Variants in ECE1 observed in about 807,000 individuals in gnomAD.
ECE1 encodes the protein endothelin converting enzyme 1.
Under a neutral mutation model 98.6 loss-of-function variants are expected in ECE1, and 35 were observed. The ratio of observed to expected loss-of-function variants is 0.35; its 90% CI spans 0.27 to 0.47. The LOEUF is 0.47. Ranked by LOEUF, ECE1 falls within the 20% of genes least tolerant of loss-of-function variation. ECE1 has a pLI of 1.00. For missense variants in ECE1, 814 were observed against 1,025.3 expected (o/e 0.79, Z 2.81); for synonymous variants, 394 against 407.1 (o/e 0.97, Z 0.39).
rs2098166230 is a variant in ECE1, at chr1:21,220,679, C to T, written c.2137-548G>A. On this transcript the variant is annotated intron_variant, in intron 18 of 18. Coordinates refer to ENST00000374893, the MANE Select transcript of ECE1 (RefSeq NM_001397.3). This position sits in a 1 kb window ranked among gnomAD's most constrained non-coding sequence, Gnocchi z 5.0. Reference sequence around the variant, plus strand: ...GGGCGTGGTGGTGCGTGCCTATATCCCAGCTACATGAGAGGATGAGGCAGG... The same window carrying T: ...GGGCGTGGTGGTGCGTGCCTATATCTCAGCTACATGAGAGGATGAGGCAGG... Among the ~76,000 whole-genome samples, 1 of 152,022 alleles carries T rather than the reference C, an allele frequency of 6.6e-6. No homozygotes were observed. Among genetic ancestry groups the T allele is most frequent in the Admixed American group, 6.6e-5 (1 of 15,232 alleles).
At position 21,345,404 on chromosome 1, in the gene ECE1, G is replaced by A. The variant is rs1569804855; in HGVS notation, c.-26C>T. 7.5e-7 allele frequency: 1 copy of A among 1,331,444 alleles called. No homozygotes were observed. The highest frequency in any genetic ancestry group is 9.7e-7 in the Non-Finnish European group (1 of 1,030,352). 82.5% of individuals were successfully genotyped at this position (1,331,444 alleles called of 1,614,324 possible). On this transcript the variant is annotated 5_prime_UTR_variant, in exon 1 of 19. Coordinates refer to the ECE1 transcript ENST00000415912. The surrounding 1 kb of genome is among the most constrained non-coding windows in gnomAD (Gnocchi z 5.1). Reference sequence around the variant, plus strand: ...AGCTCGCGTGCTCCGCCCCGGCTTCGCGCAGCTCCCCGCGCCCGGCTCCCG... The same window carrying A: ...AGCTCGCGTGCTCCGCCCCGGCTTCACGCAGCTCCCCGCGCCCGGCTCCCG...
chr1:21,281,192 A>AAAACC (rs1232111890), intron 2 of ECE1, among the ~76,000 whole-genome samples: 30 of 126,796 alleles, frequency 2.4e-4, no homozygotes, highest in African/African-American at 9.2e-4. Flanking sequence ...TCCGTCTCGG[A>AAAACC]AAACAAAACA....
At chr1:21,305,700 G>A (rs959011397) in intron 1 of ECE1, among the ~76,000 whole-genome samples, 3 of 152,168 alleles carry the variant, frequency 2.0e-5, no homozygotes, top group East Asian at 3.8e-4. Flanking sequence ...GGGCGGGTAC[G>A]GGTGGTAAAG....
chr1:21,252,668 G>A (rs1344646731), intron 8 of ECE1, among the ~76,000 whole-genome samples: 1 of 152,214 alleles, frequency 6.6e-6, no homozygotes, highest in Non-Finnish European at 1.5e-5. Context: ...TAGCCTGGAA[G>A]CATTCTGTAC....
At chr1:21,236,655 A>T in intron 12 of ECE1, 91 bp downstream of exon 12, 1 of 1,301,346 alleles carries the variant, frequency 7.7e-7, no homozygotes. Context: ...GCCTCAAAAA[A>T]CAAACAAAAA....
rs2103420393 is a variant in ECE1 at position 21,340,342 on chromosome 1, G to A, written c.3+5034C>T. Among the ~76,000 whole-genome samples the A allele has an allele frequency of 6.6e-6, 1 of 152,404 alleles. No individual in the cohort carries two copies. Among genetic ancestry groups the A allele is most frequent in the Admixed American group, 6.5e-5 (1 of 15,312 alleles). Reference sequence around the variant, plus strand: ...CAGCCTCCTTCTGTCTTCACTGACTGCTCTGGGCAGCATGCCAGGGGCGTG... The same window carrying A: ...CAGCCTCCTTCTGTCTTCACTGACTACTCTGGGCAGCATGCCAGGGGCGTG... On this transcript the variant is annotated intron_variant, in intron 1 of 18. Transcript: ENST00000415912. This position sits in a 1 kb window ranked among gnomAD's most constrained non-coding sequence, Gnocchi z 4.6.
chr1:21,228,964 C>T (rs2098178227), intron 14 of ECE1, among the ~76,000 whole-genome samples: 2 of 151,306 alleles, frequency 1.3e-5, no homozygotes, highest in Non-Finnish European at 2.9e-5. Context: ...GCCTCAGCCT[C>T]CCGTGTAGCT....
chr1:21,272,638 C>T, intron 4 of ECE1, 61 bp downstream of exon 4: 1 of 1,601,614 alleles, frequency 6.2e-7, no homozygotes, highest in African/African-American at 1.3e-5. Context: ...GGGAAGCTGG[C>T]TGGGCCAGCT....
At chr1:21,246,662 G>A (rs113255817) in intron 9 of ECE1, among the ~76,000 whole-genome samples, 15 of 152,190 alleles carry the variant, frequency 9.9e-5, no homozygotes, top group African/African-American at 3.6e-4. Flanking sequence ...GTAGGTGCTA[G>A]GTTTTTTTGT....
At chr1:21,295,574 C>G (rs1356588770) in intron 1 of ECE1, among the ~76,000 whole-genome samples, 1 of 152,144 alleles carries the variant, frequency 6.6e-6, no homozygotes, top group Non-Finnish European at 1.5e-5. Flanking sequence ...TTTTTAATAA[C>G]AGGAATCAGC....
intron 13 of ECE1, among the ~76,000 whole-genome samples, chr1:21,234,766 A>C (rs1468883957): frequency 6.6e-6 from 1 of 152,188 alleles, no homozygotes; most frequent in African/African-American, 2.4e-5. Flanking sequence ...AGCATGAGCC[A>C]CTGCGCCTGG....
chr1:21,258,482 A>C lies in ECE1; in HGVS notation c.762+211T>G, dbSNP rs1463198758. ...CCCACGGAAACCCATCAGCACCCAA[A>C]GTTTCACCTGTATGCAGTGCCCATC... is the stretch of plus-strand genomic sequence containing the variant. On this transcript the variant is annotated intron_variant, in intron 6 of 18. Transcript: ENST00000374893. This position sits in a 1 kb window ranked among gnomAD's most constrained non-coding sequence, Gnocchi z 4.2. 6.6e-6 allele frequency among the ~76,000 whole-genome samples: 1 copy of C among 152,212 alleles called. No individual in the cohort carries two copies. The highest frequency in any genetic ancestry group is 2.4e-5 in the African/African-American group (1 of 41,470).
At chr1:21,254,976 C>A (rs950553013) in intron 8 of ECE1, among the ~76,000 whole-genome samples, 10 of 152,128 alleles carry the variant, frequency 6.6e-5, no homozygotes, top group African/African-American at 2.4e-4. Flanking sequence ...GCTCCCAGGG[C>A]CCGCTGCTTT....
chr1:21,341,327 A>C (rs927523134), intron 1 of ECE1, among the ~76,000 whole-genome samples: 1 of 152,226 alleles, frequency 6.6e-6, no homozygotes, highest in African/African-American at 2.4e-5. Context: ...GAGTGAGTGA[A>C]TGAACAAATG....
In ECE1 at chr1:21,223,601, G is replaced by T. The variant is rs957084117; in HGVS notation, c.2040+1649C>A. 2.6e-5 allele frequency among the ~76,000 whole-genome samples: 4 copies of T among 152,132 alleles called. No homozygotes were observed. The East Asian group carries it at 7.7e-4, about 29-fold the overall frequency. On this transcript the variant is annotated intron_variant, in intron 17 of 18. Coordinates refer to ENST00000374893, the MANE Select transcript of ECE1 (RefSeq NM_001397.3). ...CTGCCTCGGCCTCCCGAGTAGCTGG[G>T]ATTACTGGCGCCTGCCACCACGCCT...
At chr1:21,265,183 G>T (rs1395454694) in intron 4 of ECE1, among the ~76,000 whole-genome samples, 1 of 152,220 alleles carries the variant, frequency 6.6e-6, no homozygotes, top group Non-Finnish European at 1.5e-5. Flanking sequence ...CATAATTGGT[G>T]AGTGAATAAA....
chr1:21,247,473 A>G (rs2098205447), intron 8 of ECE1, 110 bp from the exon 9 acceptor site: 2 of 1,516,522 alleles, frequency 1.3e-6, no homozygotes, highest in East Asian at 2.3e-5. Flanking sequence ...GCTTGGCGCC[A>G]TCTGACAGCG....
rs972699271 is a variant in ECE1 at position 21,272,862 on chromosome 1, G to A, written c.330C>T (p.Ser110=). ...LSEACVSVTS[S]ILSSMDPTVD... ...CTGTGGGGTCCATGGAGCTCAAGATGGAGCTGGTCACTGAGACACAAGCTT... is the reference window on the plus strand; with the variant it reads ...CTGTGGGGTCCATGGAGCTCAAGATAGAGCTGGTCACTGAGACACAAGCTT... The change falls in exon 4 of 19, where the codon TCC becomes TCT. Residue 110 remains serine, a synonymous_variant. Coordinates refer to ENST00000374893, the MANE Select transcript of ECE1 (RefSeq NM_001397.3). 2 of 1,614,260 alleles carry A rather than the reference G, an allele frequency of 1.2e-6. No homozygotes were observed.
chr1:21,263,139 G>A (rs1558397123), intron 4 of ECE1, among the ~76,000 whole-genome samples: 1 of 152,160 alleles, frequency 6.6e-6, no homozygotes, highest in Admixed American at 6.5e-5. Context: ...TCAATGTGGA[G>A]TAGAAGCAGG....
Sources: allele counts gnomAD v4.1 joint callset (sites outside exome capture counted in the v4.1 genomes callset), GRCh38; gene constraint gnomAD v4.1.1; non-coding constraint Gnocchi (gnomAD v3.1); transcripts MANE v1.5; gene names NCBI Gene and HGNC (gene_info 2026-07-23, HGNC 2026-07-21).